Variants in SYNE2 observed in about 807,000 individuals in gnomAD.
SYNE2 encodes the protein spectrin repeat containing nuclear envelope protein 2.
Under a neutral mutation model 856.3 loss-of-function variants are expected in SYNE2, and 431 were observed. The observed-to-expected ratio is 0.50, with a 90% CI of 0.47 to 0.55. The LOEUF (loss-of-function observed/expected upper bound fraction) is 0.55. Among genes scored for constraint, SYNE2 ranks in the 20% least tolerant of loss-of-function variants. The pLI is 0.00. For missense variants in SYNE2, 8,129 were observed against 8,023.2 expected (o/e 1.01, Z -0.50); for synonymous variants, 2,923 against 2,872.3 (o/e 1.02, Z -0.56).
chr14:64,001,443 G>A (rs958950505), intron 28 of SYNE2, among the ~76,000 whole-genome samples: 1 of 152,206 alleles, frequency 6.6e-6, no homozygotes, highest in Non-Finnish European at 1.5e-5. Flanking sequence ...CCAGCACTTT[G>A]GGAGGCCAAG....
chr14:63,951,354 G>A (rs966375343), intron 7 of SYNE2, among the ~76,000 whole-genome samples: 92 of 152,242 alleles, frequency 6.0e-4, no homozygotes, highest in African/African-American at 1.9e-3. Flanking sequence ...CCAGGCTGGA[G>A]TGCAGTGGCA....
In SYNE2 at chr14:64,024,475, G is replaced by C. The variant is rs1359053735; in HGVS notation, c.5840+16G>C. 1 of 1,609,374 alleles carries C rather than the reference G, an allele frequency of 6.2e-7. No individual in the cohort carries two copies. Among genetic ancestry groups the C allele is most frequent in the Non-Finnish European group, 8.5e-7 (1 of 1,176,496 alleles). On this transcript the variant is annotated intron_variant, in intron 39 of 115. Coordinates refer to ENST00000555002, the MANE Select transcript of SYNE2 (RefSeq NM_182914.3). ...AGCTACTGAGGTAGGAAATAAAGAT[G>C]ATATCTAAATAACATGTTTTCTAAC...
chr14:63,846,007 GT>G (rs1254617460), intron 1 of SYNE2, among the ~76,000 whole-genome samples: 10 of 149,686 alleles, frequency 6.7e-5, no homozygotes, highest in African/African-American at 2.5e-4. Flanking sequence ...GCCTCCCAAA[GT>G]GCTGGGATTA....
In SYNE2 at chr14:64,223,337, G is replaced by T. The variant is rs202240664; in HGVS notation, c.20339G>T (p.Arg6780Leu). 5.0e-6 allele frequency: 8 copies of T among 1,614,120 alleles called. No homozygotes were observed. The highest frequency in any genetic ancestry group is 4.4e-5 in the South Asian group (4 of 91,034). The part of the protein sequence containing the change: ...HVIEKKLKQL[R>L]EQVSQDLMAL... ...ATTGAGAAGAAACTCAAACAGTTAC[G>T]GGAGCAAGTGTCCCAAGATTTAATG... is the stretch of plus-strand genomic sequence containing the variant. Residue 6780 changes from arginine to leucine, a missense_variant, in exon 113 of 116, where the codon CGG becomes CTG. This residue lies in a region of SYNE2 where 5,410 missense variants were observed against 5,284.8 expected (regional missense o/e 1.02). Transcript: ENST00000555002.
chr14:64,090,720 A>G, intron 59 of SYNE2, 146 bp from the exon 60 acceptor site: 1 of 737,994 alleles, frequency 1.4e-6, no homozygotes, highest in Non-Finnish European at 2.2e-6. Context: ...CATGAGTGAT[A>G]TAATAGTTCT....
rs2096082745 is a variant in SYNE2, at chr14:63,948,746, G to GTA, written c.409-1078_409-1077insAT. 5.4e-5 allele frequency among the ~76,000 whole-genome samples: 6 copies of GTA among 110,192 alleles called. No homozygotes were observed. The South Asian group carries it at 1.9e-3, about 35-fold the overall frequency. The allele number at this position is 110,192 out of a possible 152,430, so 72.3% of individuals were successfully genotyped here. ...TGTATATATATGTGTATAGATATGT[G>GTA]TGTGTATATATATGTATATATATGT... is the stretch of plus-strand genomic sequence containing the variant. On this transcript the variant is annotated intron_variant, in intron 6 of 115. Coordinates refer to ENST00000555002, the MANE Select transcript of SYNE2 (RefSeq NM_182914.3).
chr14:64,112,991 C>T (rs548678065), intron 65 of SYNE2: 241 of 985,064 alleles, frequency 2.4e-4, no homozygotes, highest in Admixed American at 5.5e-4. Flanking sequence ...TGTCACGTAA[C>T]GCTAAACACT....
chr14:64,153,006 C>A (rs188292379), intron 85 of SYNE2, among the ~76,000 whole-genome samples: 423 of 152,314 alleles, frequency 2.8e-3, no homozygotes, highest in African/African-American at 9.5e-3. Context: ...TACCCCAAAC[C>A]CAACAGAGTA....
chr14:64,131,087 G>A (rs1371917474), intron 76 of SYNE2, among the ~76,000 whole-genome samples: 1 of 152,174 alleles, frequency 6.6e-6, no homozygotes, highest in Non-Finnish European at 1.5e-5. Flanking sequence ...CCTACCTGAG[G>A]TAAGCTTATG....
intron 11 of SYNE2, among the ~76,000 whole-genome samples, chr14:63,974,339 G>A (rs1003036726): frequency 1.3e-5 from 2 of 152,126 alleles, no homozygotes; most frequent in Admixed American, 1.3e-4. Flanking sequence ...ATTCATAGTG[G>A]AAGGCAAAGG....
intron 65 of SYNE2, among the ~76,000 whole-genome samples, chr14:64,110,588 A>ACCCCC (rs11315645): frequency 9.0e-4 from 68 of 75,372 alleles, no homozygotes; most frequent in East Asian, 3.0e-3. Flanking sequence ...TACTTTTTAC[A>ACCCCC]CCCCCCCCCC....
intron 100 of SYNE2, among the ~76,000 whole-genome samples, chr14:64,206,283 T>G (rs2098605027): frequency 6.6e-6 from 1 of 152,236 alleles, no homozygotes; most frequent in African/African-American, 2.4e-5. Flanking sequence ...TCTCATTGTT[T>G]TATGTTGTTT....
At chr14:64,084,522 C>T (rs2097545850) in intron 57 of SYNE2, 1 of 162,212 alleles carries the variant, frequency 6.2e-6, no homozygotes, top group South Asian at 1.8e-4. Flanking sequence ...ACGTGGCTCA[C>T]TTGTTTCACT....
chr14:64,162,050 G>A (rs1482458187), intron 87 of SYNE2, 22 bp from the exon 88 acceptor site: 1 of 1,614,020 alleles, frequency 6.2e-7, no homozygotes, highest in Non-Finnish European at 8.5e-7. Context: ...TGAGGGTTAT[G>A]TTATTTGCGT....
At chr14:64,016,761 G>A (rs2096895073) in intron 33 of SYNE2, 130 bp downstream of exon 33, 5 of 687,518 alleles carry the variant, frequency 7.3e-6, no homozygotes, top group Non-Finnish European at 9.7e-6. Flanking sequence ...TAAAACTTAG[G>A]AATTAATTTT....
rs572268384 is a variant in SYNE2 at position 63,776,805 on chromosome 14, C to T, written c.-305+14819C>T. 2.6e-5 allele frequency among the ~76,000 whole-genome samples: 4 copies of T among 151,950 alleles called. No individual in the cohort carries two copies. The South Asian group carries it at 8.3e-4, about 32-fold the overall frequency. ...TCGTAGAGATGGGGTTTCACCATCT[C>T]GGCCAGGCTGGTCTCAAACTCCTGA... On this transcript the variant is annotated intron_variant, in intron 1 of 23. Coordinates refer to the SYNE2 transcript ENST00000674003.
intron 84 of SYNE2, among the ~76,000 whole-genome samples, chr14:64,146,583 T>A (rs2098189492): frequency 6.6e-6 from 1 of 152,250 alleles, no homozygotes; most frequent in South Asian, 2.1e-4. Context: ...GTTTCATTAT[T>A]TTTAGCATTT....
intron 85 of SYNE2, among the ~76,000 whole-genome samples, chr14:64,155,091 A>G (rs879321687): frequency 2.0e-5 from 3 of 152,320 alleles, no homozygotes; most frequent in Non-Finnish European, 2.9e-5. Context: ...TAAAGTTACC[A>G]TGCAACTTAG....
At chr14:64,118,659 G>C (rs1036470316) in intron 66 of SYNE2, among the ~76,000 whole-genome samples, 1 of 152,050 alleles carries the variant, frequency 6.6e-6, no homozygotes, top group Non-Finnish European at 1.5e-5. Context: ...TCAGGAGTTT[G>C]AGACCAGCCT....
Sources: gnomAD v4.1 joint callset for allele counts (sites outside exome capture counted in the v4.1 genomes callset) on GRCh38, gnomAD v4.1.1 for gene constraint, gnomAD v4.1.1 regional missense constraint, MANE v1.5 for transcripts, NCBI Gene and HGNC (gene_info 2026-07-23, HGNC 2026-07-21) for gene names.